SLC25A21: variants seen among roughly 807,000 people sequenced by gnomAD.
The protein encoded by SLC25A21 is solute carrier family 25 member 21.
SLC25A21 carries 47 observed loss-of-function variants against 43.8 expected under a neutral mutation model. That is an observed-to-expected ratio of 1.07 (90% CI 0.85 to 1.37). The LOEUF is 1.37. SLC25A21 is among the 40% of genes most tolerant of loss of function. The probability of loss-of-function intolerance (pLI) is 0.00; values close to 1 mark genes in which losing one functional copy is unlikely to be tolerated. For synonymous variants in SLC25A21, 131 were observed against 121.3 expected (o/e 1.08, Z -0.52); for missense variants, 352 against 350.2 (o/e 1.00, Z -0.04).
At chr14:36,806,223 C>A (rs191010180) in intron 3 of SLC25A21, among the ~76,000 whole-genome samples, 1 of 151,804 alleles carries the variant, frequency 6.6e-6, no homozygotes, top group African/African-American at 2.4e-5. Context: ...TTTATTTTTA[C>A]TTTTATTTTA....
At chr14:37,089,595 T>C (rs1962546392) in intron 1 of SLC25A21, among the ~76,000 whole-genome samples, 1 of 152,178 alleles carries the variant, frequency 6.6e-6, no homozygotes, top group Non-Finnish European at 1.5e-5. Flanking sequence ...ACAGATTTCT[T>C]GGAGCCATTT....
At position 36,680,545 on chromosome 14, in the gene SLC25A21, G is replaced by T; in HGVS notation, c.*113C>A. On this transcript the variant is annotated 3_prime_UTR_variant, in exon 10 of 10. Coordinates refer to ENST00000331299, the MANE Select transcript of SLC25A21 (RefSeq NM_030631.4). ...AAGTATTAAAATAGATTTTGTTCTT[G>T]AACAGTTTTCTCCTTCATAATTATA... 3 of 1,393,466 alleles carry T rather than the reference G, an allele frequency of 2.2e-6. No homozygotes were observed. The highest frequency in any genetic ancestry group is 4.0e-5 in the South Asian group (2 of 49,628). 86.3% of individuals were successfully genotyped at this position (1,393,466 alleles called of 1,614,324 possible). A position where few individuals can be genotyped will look rare whatever the true frequency, so the allele number is the denominator to read the frequency against.
At position 36,725,601 on chromosome 14, in the gene SLC25A21, C is replaced by A; in HGVS notation, c.407G>T (p.Gly136Val). The change falls in exon 6 of 10, where the codon GGC (glycine) becomes GTC (valine). Residue 136 changes from glycine to valine, a missense_variant. Transcript: ENST00000331299. Reference sequence around the variant, plus strand: ...AAATGTGTTCCGATTTGCTTGCAAGCCAACTTTTACTACCTCAAAAGGGTT... The same window carrying A: ...AAATGTGTTCCGATTTGCTTGCAAGACAACTTTTACTACCTCAAAAGGGTT... ...VVNPFEVVKVGLQANRNTFAE... is the reference protein window; with the variant it reads ...VVNPFEVVKVVLQANRNTFAE... 2 of 1,591,746 alleles carry A rather than the reference C, an allele frequency of 1.3e-6. No individual in the cohort carries two copies. Among genetic ancestry groups the A allele is most frequent in the South Asian group, 2.3e-5 (2 of 87,078 alleles).
intron 7 of SLC25A21, among the ~76,000 whole-genome samples, chr14:36,687,076 T>G (rs908487161): frequency 7.2e-5 from 11 of 151,784 alleles, no homozygotes; most frequent in African/African-American, 2.7e-4. Context: ...CTCAGCCTCC[T>G]GAGTAGCTGG....
At chr14:36,994,358 G>T (rs879717874) in intron 1 of SLC25A21, among the ~76,000 whole-genome samples, 6 of 152,210 alleles carry the variant, frequency 3.9e-5, no homozygotes, top group Non-Finnish European at 8.8e-5. Flanking sequence ...TTTCCTTGTG[G>T]GAAGGAAGAG....
chr14:36,813,140 A>T (rs571417686), intron 3 of SLC25A21, among the ~76,000 whole-genome samples: 1 of 152,198 alleles, frequency 6.6e-6, no homozygotes, highest in East Asian at 1.9e-4. Context: ...TTTGTTACAC[A>T]TGCCATGGTG....
intron 1 of SLC25A21, among the ~76,000 whole-genome samples, chr14:37,154,636 A>C (rs1406020222): frequency 7.3e-6 from 1 of 136,556 alleles, no homozygotes; most frequent in Non-Finnish European, 1.5e-5. Context: ...ATTTTACTAA[A>C]AGATAGATTT....
At chr14:37,125,167 C>A (rs4900678) in intron 1 of SLC25A21, among the ~76,000 whole-genome samples, 1 of 152,032 alleles carries the variant, frequency 6.6e-6, no homozygotes, top group Non-Finnish European at 1.5e-5. Flanking sequence ...CGGTAAATTA[C>A]AACTCAGAGT....
intron 1 of SLC25A21, among the ~76,000 whole-genome samples, chr14:37,108,992 A>T (rs1052771788): frequency 3.9e-5 from 6 of 152,022 alleles, no homozygotes; most frequent in African/African-American, 1.4e-4. Flanking sequence ...TTATCAGCTC[A>T]CTAAGTGTAC....
intron 1 of SLC25A21, among the ~76,000 whole-genome samples, chr14:37,153,302 CA>C (rs1328049780): frequency 4.6e-5 from 7 of 152,208 alleles, no homozygotes; most frequent in Non-Finnish European, 8.8e-5. Flanking sequence ...CCAGCAGCAC[CA>C]AGACTGAGAC....
intron 1 of SLC25A21, among the ~76,000 whole-genome samples, chr14:37,161,958 G>A (rs1251929883): frequency 2.4e-4 from 11 of 46,012 alleles, no homozygotes; most frequent in African/African-American, 5.8e-4. Flanking sequence ...GCGAGACTCC[G>A]TCTCAAAAAA....
intron 2 of SLC25A21, among the ~76,000 whole-genome samples, chr14:36,847,122 C>T (rs1182516611): frequency 5.9e-5 from 9 of 152,080 alleles, no homozygotes; most frequent in Admixed American, 5.9e-4. Flanking sequence ...ATGAGTGCAC[C>T]ATATTACTTT....
chr14:36,820,245 C>T (rs1888581329), intron 2 of SLC25A21, among the ~76,000 whole-genome samples: 1 of 152,224 alleles, frequency 6.6e-6, no homozygotes. Flanking sequence ...TTTGGAAACA[C>T]ATTCACATCC....
intron 1 of SLC25A21, among the ~76,000 whole-genome samples, chr14:36,977,370 T>C (rs760111900): frequency 2.6e-5 from 4 of 152,152 alleles, no homozygotes; most frequent in East Asian, 1.9e-4. Flanking sequence ...CCCCTGTACA[T>C]AGTAAATGCT....
At chr14:36,867,204 C>T (rs1890237628) in intron 2 of SLC25A21, among the ~76,000 whole-genome samples, 3 of 152,124 alleles carry the variant, frequency 2.0e-5, no homozygotes, top group South Asian at 4.1e-4. Context: ...TGAAACTCCA[C>T]CAGAGGCTTG....
At chr14:36,817,537 T>C (rs1372103881) in intron 2 of SLC25A21, among the ~76,000 whole-genome samples, 2 of 152,164 alleles carry the variant, frequency 1.3e-5, no homozygotes, top group East Asian at 3.9e-4. Flanking sequence ...ACTTGGTTGC[T>C]CAGGGTGCAT....
At chr14:36,902,440 A>AACACAC (rs3061763) in intron 1 of SLC25A21, among the ~76,000 whole-genome samples, 15 of 150,158 alleles carry the variant, frequency 1.0e-4, no homozygotes, top group South Asian at 2.1e-4. Flanking sequence ...CGTATAGTAA[A>AACACAC]ACACACACAC....
intron 6 of SLC25A21, among the ~76,000 whole-genome samples, chr14:36,723,835 T>C (rs1884473037): frequency 6.6e-6 from 1 of 152,218 alleles, no homozygotes; most frequent in African/African-American, 2.4e-5. Context: ...TTTGAGTCCT[T>C]GTGGTTACAT....
At chr14:36,706,455 T>C (rs2139179586) in intron 7 of SLC25A21, among the ~76,000 whole-genome samples, 1 of 152,290 alleles carries the variant, frequency 6.6e-6, no homozygotes, top group South Asian at 2.1e-4. Flanking sequence ...CGATGACTTC[T>C]AAACATCTAT....
Sources: gnomAD v4.1 joint callset for allele counts (sites outside exome capture counted in the v4.1 genomes callset) on GRCh38, gnomAD v4.1.1 for gene constraint, MANE v1.5 for transcripts, NCBI Gene and HGNC (gene_info 2026-07-23, HGNC 2026-07-21) for gene names.